Variants in CERS3 observed in about 807,000 individuals in gnomAD.
The protein encoded by CERS3 is LAG1 homolog, ceramide synthase 3.
A neutral mutation model predicts 50.3 loss-of-function variants in CERS3; 33 were observed. The observed-to-expected ratio is 0.66, with a 90% confidence interval of 0.50 to 0.88. CERS3 has a LOEUF of 0.88. Among genes scored for constraint, CERS3 ranks in the 40% least tolerant of loss-of-function variants. CERS3 has a pLI of 0.00. For synonymous variants in CERS3, 176 were observed against 155.2 expected, an observed-to-expected ratio of 1.13 and a Z score of -0.99; for missense variants, 470 against 460.3, an observed-to-expected ratio of 1.02 and a Z score of -0.19.
chr15:100,479,470 C>T lies in CERS3; in HGVS notation c.474G>A (p.Trp158Ter). Reference sequence around the variant, plus strand: ...TCCAAACCTCCCATAAGTCATATAGCCAAGGTTTCTGAAAGAAGAAAAAAA... The same window carrying T: ...TCCAAACCTCCCATAAGTCATATAGTCAAGGTTTCTGAAAGAAGAAAAAAA... The part of the protein sequence containing the change: ...AGIAFLYDKP[W>*]LYDLWEVWNG... Residue 158 changes from tryptophan to a stop codon, truncating the protein, a stop_gained, in exon 7 of 12, where the codon TGG becomes TGA. Transcript: ENST00000679737. LOFTEE classifies it high-confidence loss of function. 6.3e-7 allele frequency: 1 copy of T among 1,598,836 alleles called. No individual in the cohort carries two copies. The highest frequency in any genetic ancestry group is 8.5e-7 in the Non-Finnish European group (1 of 1,175,174).
rs1457915393 is a variant in CERS3 at position 100,401,090 on chromosome 15, G to A, written c.*1623C>T. 1 of 152,194 alleles carries A rather than the reference G, an allele frequency of 6.6e-6. No homozygotes were observed. Among genetic ancestry groups the A allele is most frequent in the East Asian group, 1.9e-4 (1 of 5,196 alleles). The allele number at this position is 152,194 out of a possible 1,614,324, so 9.4% of individuals were successfully genotyped here. ...AAATAACAATAACGCAGTCTGTTCT[G>A]TGCAGTGTCCTTCCGGCTCCAGGGG... is the stretch of plus-strand genomic sequence containing the variant. On this transcript the variant is annotated 3_prime_UTR_variant, in exon 12 of 12. Coordinates refer to ENST00000679737, the MANE Select transcript of CERS3 (RefSeq NM_001378789.1).
At chr15:100,532,604 A>T (rs933736602), upstream of CERS3, among the ~76,000 whole-genome samples, 4 of 151,264 alleles carry the variant, frequency 2.6e-5, no homozygotes, top group Admixed American at 2.6e-4. Flanking sequence ...TGTCTCTACA[A>T]GAAAAAAAAA....
chr15:100,541,964 G>A (rs9788652), intron 1 of CERS3, among the ~76,000 whole-genome samples: 1 of 151,864 alleles, frequency 6.6e-6, no homozygotes, highest in African/African-American at 2.4e-5. Flanking sequence ...AATGTCTGGA[G>A]TAACCATTAG....
chr15:100,402,463 G>A lies in CERS3; in HGVS notation c.*250C>T, dbSNP rs1007077027. The A allele has an allele frequency of 4.2e-5, 20 of 478,906 alleles. No individual in the cohort carries two copies. The highest frequency in any genetic ancestry group is 5.6e-5 in the South Asian group (2 of 35,626). 29.7% of individuals were successfully genotyped at this position (478,906 alleles called of 1,614,324 possible). On this transcript the variant is annotated 3_prime_UTR_variant, in exon 12 of 12. Transcript: ENST00000679737. ...GAGGGAGTGCAATTAGAACTGAGAC[G>A]GTTCTGTGGAGAAATCTTTGAAATC...
intron 10 of CERS3, among the ~76,000 whole-genome samples, chr15:100,464,750 T>C (rs763859490): frequency 6.6e-6 from 1 of 152,208 alleles, no homozygotes; most frequent in Non-Finnish European, 1.5e-5. Flanking sequence ...AACATCCACC[T>C]GCGATTTAAA....
intron 11 of CERS3, among the ~76,000 whole-genome samples, chr15:100,427,295 A>G (rs1434303978): frequency 6.6e-6 from 1 of 152,168 alleles, no homozygotes; most frequent in Non-Finnish European, 1.5e-5. Flanking sequence ...AATTCCGAAT[A>G]AGGAAAATTT....
In CERS3 at chr15:100,490,876, C is replaced by G. The variant is rs768251163; in HGVS notation, c.229G>C (p.Val77Leu). Reference protein sequence around the residue: ...SFGIKETVRKVTPNTVLENFF... With the variant: ...SFGIKETVRKLTPNTVLENFF... ...TTCTCTAAGACAGTATTTGGTGTAA[C>G]CTTTCGAACTGTCTCTTTAATGCCA... The change falls in exon 4 of 12, where the codon GTT (valine) becomes CTT (leucine). Residue 77 changes from valine (V) to leucine (L), a missense_variant. Coordinates refer to ENST00000679737, the MANE Select transcript of CERS3 (RefSeq NM_001378789.1). 1.9e-6 allele frequency: 3 copies of G among 1,612,086 alleles called. No homozygotes were observed. Among genetic ancestry groups the G allele is most frequent in the Non-Finnish European group, 2.5e-6 (3 of 1,179,138 alleles).
intron 2 of CERS3, among the ~76,000 whole-genome samples, chr15:100,516,194 C>CAA (rs1193241612): frequency 3.3e-5 from 5 of 152,144 alleles, no homozygotes; most frequent in African/African-American, 9.7e-5. Context: ...GTGGGTAAGG[C>CAA]CATTATACAG....
chr15:100,438,070 C>T (rs1372873470), intron 11 of CERS3, among the ~76,000 whole-genome samples: 2 of 122,146 alleles, frequency 1.6e-5, no homozygotes, highest in South Asian at 2.6e-4. Context: ...GATGGAGTCT[C>T]ACTCTGTCTC....
At position 100,466,841 on chromosome 15, in the gene CERS3, C is replaced by CTCTT. The variant is rs1567638738; in HGVS notation, c.845+2536_845+2537insAAGA. ...CCTCTCTCCCTCTCTCCCTCTCTCC[C>CTCTT]TCTCTCTTTCTCTCTTTCTTTCTTT... On this transcript the variant is annotated intron_variant, in intron 10 of 11. Transcript: ENST00000679737. Among the ~76,000 whole-genome samples the CTCTT allele has an allele frequency of 4.9e-3, 43 of 8,798 alleles. 3 individuals are homozygous for CTCTT. Among genetic ancestry groups the CTCTT allele is most frequent in the Admixed American group, 0.013 (6 of 464 alleles). The allele number at this position is 8,798 out of a possible 152,430, so 5.8% of individuals were successfully genotyped here.
intron 1 of CERS3, among the ~76,000 whole-genome samples, chr15:100,525,377 C>G (rs1467931468): frequency 6.6e-6 from 1 of 152,158 alleles, no homozygotes; most frequent in African/African-American, 2.4e-5. Flanking sequence ...ATTTAAGTAG[C>G]AGGAAGATAC....
chr15:100,539,913 C>G (rs62037091), intron 1 of CERS3, among the ~76,000 whole-genome samples: 39,933 of 152,094 alleles, frequency 0.26, 5,935 homozygotes, highest in Non-Finnish European at 0.34. Context: ...GTTTCCCTTC[C>G]CTTTCTGGTC....
intron 11 of CERS3, among the ~76,000 whole-genome samples, chr15:100,438,996 G>A (rs1032077703): frequency 2.6e-5 from 4 of 152,184 alleles, no homozygotes; most frequent in Non-Finnish European, 4.4e-5. Context: ...AAAATGACAA[G>A]ATGAGTGTCA....
At chr15:100,515,018 T>C (rs1004471920) in intron 2 of CERS3, among the ~76,000 whole-genome samples, 3 of 152,212 alleles carry the variant, frequency 2.0e-5, no homozygotes, top group African/African-American at 7.2e-5. Context: ...GAAATAAAAT[T>C]GCTGTATCTG....
chr15:100,493,403 C>T (rs1384277428), intron 3 of CERS3, among the ~76,000 whole-genome samples: 3 of 152,136 alleles, frequency 2.0e-5, no homozygotes, highest in Non-Finnish European at 2.9e-5. Flanking sequence ...GATGAGAAAT[C>T]GATTCCTAAT....
intron 11 of CERS3, among the ~76,000 whole-genome samples, chr15:100,423,577 C>T (rs1382753148): frequency 6.6e-6 from 1 of 152,022 alleles, no homozygotes; most frequent in Non-Finnish European, 1.5e-5. Context: ...AAGAGGGGTA[C>T]AACAGACACT....
chr15:100,414,110 C>T (rs2031708405), intron 11 of CERS3, among the ~76,000 whole-genome samples: 1 of 152,074 alleles, frequency 6.6e-6, no homozygotes, highest in South Asian at 2.1e-4. Context: ...CAGCATCATT[C>T]TGATACCAAA....
chr15:100,509,928 T>C (rs1034227772), intron 2 of CERS3, among the ~76,000 whole-genome samples: 1 of 151,172 alleles, frequency 6.6e-6, no homozygotes, highest in Non-Finnish European at 1.5e-5. Flanking sequence ...TTATTAGTTG[T>C]CAAACAATTC....
At chr15:100,464,360 G>A (rs7174603) in intron 10 of CERS3, among the ~76,000 whole-genome samples, 75,940 of 152,028 alleles carry the variant, frequency 0.5, 19,636 homozygotes, top group Non-Finnish European at 0.57. Flanking sequence ...TGAAAGGCAT[G>A]AGCTGGGTCT....
Sources: gnomAD v4.1 joint callset for allele counts (sites outside exome capture counted in the v4.1 genomes callset) on GRCh38, gnomAD v4.1.1 for gene constraint, MANE v1.5 for transcripts, NCBI Gene and HGNC (gene_info 2026-07-23, HGNC 2026-07-21) for gene names.